Variants in TIA1 observed in about 807,000 individuals in gnomAD.
The protein encoded by TIA1 is cytotoxic granule associated RNA binding protein TIA1.
In TIA1, 23 loss-of-function variants were observed where a neutral mutation model predicts 65.9. The observed-to-expected ratio is 0.35, with a 90% CI of 0.25 to 0.49. The LOEUF is 0.49. TIA1 is among the 20% of genes least tolerant of loss of function. The pLI, the probability that TIA1 is intolerant of heterozygous loss-of-function variation, is 0.98. For missense variants in TIA1, 371 were observed against 477.9 expected (o/e 0.78, Z 2.09); for synonymous variants, 147 against 149.4 (o/e 0.98, Z 0.12).
intron 7 of TIA1, 26 bp from the exon 8 acceptor site, chr2:70,217,020 TAAAG>T: frequency 6.3e-7 from 1 of 1,586,128 alleles, no homozygotes; most frequent in Non-Finnish European, 8.6e-7. Context: ...TTAGAAACAA[TAAAG>T]AAGTCACTAT....
intron 2 of TIA1, among the ~76,000 whole-genome samples, chr2:70,231,274 C>G (rs1483053850): frequency 6.6e-6 from 1 of 152,230 alleles, no homozygotes; most frequent in South Asian, 2.1e-4. Context: ...TGCACTCCAG[C>G]CTGGGCGACA....
At chr2:70,235,270 C>T (rs1366887228) in intron 2 of TIA1, among the ~76,000 whole-genome samples, 1 of 152,042 alleles carries the variant, frequency 6.6e-6, no homozygotes, top group Non-Finnish European at 1.5e-5. Flanking sequence ...ACAAAATTAG[C>T]CAGGTGTAGT....
At chr2:70,221,038 A>T (rs1249498771) in intron 7 of TIA1, among the ~76,000 whole-genome samples, 6 of 152,050 alleles carry the variant, frequency 3.9e-5, no homozygotes, top group Non-Finnish European at 8.8e-5. Context: ...ACGGAGTCTC[A>T]CTCTGTTGCC....
At chr2:70,213,239 T>C (rs1027966810) in intron 12 of TIA1, among the ~76,000 whole-genome samples, 4 of 151,736 alleles carry the variant, frequency 2.6e-5, no homozygotes, top group Non-Finnish European at 5.9e-5. Context: ...GTAGGTTCCC[T>C]ACAACGAAAA....
intron 7 of TIA1, among the ~76,000 whole-genome samples, chr2:70,224,004 G>C (rs1384910716): frequency 6.6e-6 from 1 of 151,976 alleles, no homozygotes; most frequent in Non-Finnish European, 1.5e-5. Flanking sequence ...TGCAACCTGT[G>C]CCTCCTGGGT....
At position 70,212,740 on chromosome 2, in the gene TIA1, C is replaced by T; in HGVS notation, c.1140G>A (p.Val380=). The T allele has an allele frequency of 6.2e-7, 1 of 1,613,560 alleles. No individual in the cohort carries two copies. ...TTATTCACTGGGTTTCATACCCTGC[C>T]ACTCGATACCCAGAAGGCTGATTGG... ...MLPNQPSGYR[V]AGYETQ is the part of the protein sequence containing the mutation. Residue 380 remains valine, a synonymous_variant, in exon 13 of 13, where the codon GTG becomes GTA. Coordinates refer to ENST00000433529, the MANE Select transcript of TIA1 (RefSeq NM_022173.4).
chr2:70,233,159 T>C (rs930973154), intron 2 of TIA1, among the ~76,000 whole-genome samples: 1 of 152,134 alleles, frequency 6.6e-6, no homozygotes, highest in Non-Finnish European at 1.5e-5. Flanking sequence ...TTTTTAGAGA[T>C]GTGGTCTTGT....
At chr2:70,242,007 T>A (rs371646208) in intron 1 of TIA1, among the ~76,000 whole-genome samples, 4 of 152,030 alleles carry the variant, frequency 2.6e-5, no homozygotes, top group African/African-American at 9.7e-5. Context: ...CTGAATTGGA[T>A]CCTAGAATAT....
chr2:70,242,896 A>T (rs374741860), intron 1 of TIA1, among the ~76,000 whole-genome samples: 7 of 151,926 alleles, frequency 4.6e-5, no homozygotes, highest in Admixed American at 2.0e-4. Context: ...CCATGGAAAA[A>T]TTGTCTTCCA....
At position 70,209,700 on chromosome 2, in the gene TIA1, AAAG is replaced by A; in HGVS notation, c.*3016_*3018del. The A allele has an allele frequency of 2.5e-6, 1 of 398,406 alleles. No individual in the cohort carries two copies. The highest frequency in any genetic ancestry group is 4.4e-6 in the Non-Finnish European group (1 of 225,960). 24.7% of individuals were successfully genotyped at this position (398,406 alleles called of 1,614,324 possible). A position where few individuals can be genotyped will look rare whatever the true frequency, so the allele number is the denominator to read the frequency against. ...CTTAAGATTGACGATTTCGTGAAAT[AAAG>A]AACATTATTTGAGAGAAAAAAACTG... On this transcript the variant is annotated 3_prime_UTR_variant, in exon 13 of 13. Transcript: ENST00000433529.
intron 1 of TIA1, among the ~76,000 whole-genome samples, chr2:70,244,141 A>G (rs909624946): frequency 1.3e-5 from 2 of 152,108 alleles, no homozygotes; most frequent in African/African-American, 4.8e-5. Context: ...ACCTGCCCCC[A>G]AGGGCCCCTT....
chr2:70,221,208 T>C (rs1681176115), intron 7 of TIA1, among the ~76,000 whole-genome samples: 1 of 152,028 alleles, frequency 6.6e-6, no homozygotes, highest in African/African-American at 2.4e-5. Context: ...GGTTTCACCA[T>C]GTTGGTCAGG....
chr2:70,216,165 T>A (rs747744611), intron 10 of TIA1, 43 bp downstream of exon 10: 25 of 1,395,196 alleles, frequency 1.8e-5, no homozygotes, highest in Non-Finnish European at 2.4e-5. Context: ...GGTTTTCCAG[T>A]TACATTACCA....
chr2:70,227,404 T>C (rs192984570), intron 6 of TIA1, among the ~76,000 whole-genome samples: 2 of 152,286 alleles, frequency 1.3e-5, no homozygotes, highest in African/African-American at 2.4e-5. Context: ...CAGATCTAAA[T>C]TCCTTAGTTA....
At chr2:70,224,853 C>A in intron 6 of TIA1, 3 of 1,265,842 alleles carry the variant, frequency 2.4e-6, no homozygotes, top group South Asian at 5.3e-5. Context: ...TTATATTGTA[C>A]AGAAATTGCC....
chr2:70,229,987 G>A (rs6740334), intron 3 of TIA1, among the ~76,000 whole-genome samples: 1 of 150,430 alleles, frequency 6.6e-6, no homozygotes, highest in Middle Eastern at 3.3e-3. Context: ...GCCTGTAATC[G>A]CAGCACTTTG....
chr2:70,210,357 A>G lies in TIA1; in HGVS notation c.*2362T>C, dbSNP rs192760611. ...ATTGCAGAGAATGAAACCATTTTAA[A>G]AACTTTAATTTCCTTACCTGATACT... On this transcript the variant is annotated 3_prime_UTR_variant, in exon 13 of 13. Transcript: ENST00000433529. 14 of 152,328 alleles carry G rather than the reference A, an allele frequency of 9.2e-5. No homozygotes were observed. The highest frequency in any genetic ancestry group is 3.4e-4 in the African/African-American group (14 of 41,590). 9.4% of individuals were successfully genotyped at this position (152,328 alleles called of 1,614,324 possible).
chr2:70,216,933 G>C lies in TIA1; in HGVS notation c.536C>G (p.Thr179Ser). ...GGGAGGCTTTCGGGTTGCCCAGTTAGTTCTGATTTGTCTTCCACCAAGCCA... is the reference window on the plus strand; with the variant it reads ...GGGAGGCTTTCGGGTTGCCCAGTTACTTCTGATTTGTCTTCCACCAAGCCA... The part of the protein sequence containing the change: ...GQWLGGRQIR[T>S]NWATRKPPAP... Residue 179 changes from threonine to serine, a missense_variant, in exon 8 of 13, where the codon ACT (threonine) becomes AGT (serine). Physicochemically the swap from Thr to Ser is moderately conservative, Grantham distance 58 (BLOSUM62 1). Coordinates refer to ENST00000433529, the MANE Select transcript of TIA1 (RefSeq NM_022173.4). The C allele has an allele frequency of 1.2e-6, 2 of 1,613,910 alleles. No individual in the cohort carries two copies. The highest frequency in any genetic ancestry group is 1.7e-6 in the Non-Finnish European group (2 of 1,179,882).
At chr2:70,228,131 C>CA (rs1386820900) in intron 5 of TIA1, among the ~76,000 whole-genome samples, 7 of 151,976 alleles carry the variant, frequency 4.6e-5, no homozygotes, top group African/African-American at 1.7e-4. Context: ...TTCAGTTCTG[C>CA]AAAAAAATTT....
Sources: gnomAD v4.1 joint callset for allele counts (sites outside exome capture counted in the v4.1 genomes callset) on GRCh38, gnomAD v4.1.1 for gene constraint, MANE v1.5 for transcripts, NCBI Gene and HGNC (gene_info 2026-07-23, HGNC 2026-07-21) for gene names.